The following CEP192 variants were observed in gnomAD, a reference collection of about 807,000 sequenced individuals.
The protein encoded by CEP192 is centrosomal protein 192, also known as centrosomal protein of 192 kDa.
Under a neutral mutation model 271.8 loss-of-function variants are expected in CEP192, and 151 were observed. The ratio of observed to expected loss-of-function variants is 0.56; its 90% confidence interval spans 0.49 to 0.64. CEP192 has a LOEUF of 0.64. Among genes scored for constraint, CEP192 ranks in the 30% least tolerant of loss-of-function variants. The pLI, the probability that CEP192 is intolerant of heterozygous loss-of-function variation, is 0.00. For synonymous variants in CEP192, 995 were observed against 1,076.5 expected, an observed-to-expected ratio of 0.92 and a Z score of 1.48; for missense variants, 2,910 against 3,020.5, an observed-to-expected ratio of 0.96 and a Z score of 0.86.
chr18:13,024,572 C>T (rs1392797489), intron 9 of CEP192, among the ~76,000 whole-genome samples: 2 of 152,086 alleles, frequency 1.3e-5, no homozygotes, highest in African/African-American at 2.4e-5. Flanking sequence ...AATTGATTCT[C>T]CTGCCTCAGC....
chr18:13,115,554 G>C (rs2040391168), intron 42 of CEP192, among the ~76,000 whole-genome samples: 1 of 152,122 alleles, frequency 6.6e-6, no homozygotes, highest in Non-Finnish European at 1.5e-5. Context: ...TGGTATGACT[G>C]ATAAGAAGGA....
intron 15 of CEP192, among the ~76,000 whole-genome samples, chr18:13,044,434 T>TGTTTC (rs2036371200): frequency 1.3e-5 from 2 of 152,104 alleles, no homozygotes; most frequent in Non-Finnish European, 2.9e-5. Flanking sequence ...TGTTTTGTTT[T>TGTTTC]GTTTTAAATT....
intron 9 of CEP192, among the ~76,000 whole-genome samples, chr18:13,021,305 G>T (rs78527672): frequency 2.6e-5 from 4 of 152,084 alleles, no homozygotes; most frequent in South Asian, 2.1e-4. Context: ...GTTAGGTAAG[G>T]GTCTAACTAA....
At chr18:13,022,076 A>T (rs1326201324) in intron 9 of CEP192, among the ~76,000 whole-genome samples, 1 of 151,752 alleles carries the variant, frequency 6.6e-6, no homozygotes, top group Non-Finnish European at 1.5e-5. Flanking sequence ...TTTGAGATTC[A>T]TTTTTTTGCA....
chr18:13,112,109 C>G (rs755170251), intron 40 of CEP192, among the ~76,000 whole-genome samples: 1 of 152,210 alleles, frequency 6.6e-6, no homozygotes, highest in Non-Finnish European at 1.5e-5. Flanking sequence ...CATGACCCAG[C>G]AGTTCCACTT....
intron 30 of CEP192, among the ~76,000 whole-genome samples, chr18:13,079,911 T>C (rs560617985): frequency 2.8e-4 from 42 of 152,224 alleles, no homozygotes; most frequent in African/African-American, 1.0e-3. Flanking sequence ...CCCCATTTCT[T>C]TTTTTGTCAG....
chr18:13,037,331 T>A (rs766842702), intron 12 of CEP192, 30 bp downstream of exon 12: 5 of 1,031,734 alleles, frequency 4.8e-6, no homozygotes, highest in Non-Finnish European at 7.3e-6. Flanking sequence ...ATCCAAAATT[T>A]AAAATTTTTC....
chr18:13,040,163 A>T (rs2036127490), intron 13 of CEP192, among the ~76,000 whole-genome samples: 1 of 152,126 alleles, frequency 6.6e-6, no homozygotes, highest in Non-Finnish European at 1.5e-5. Context: ...AAAAAAATGG[A>T]TCTATTATTT....
Position 13,069,796 on chromosome 18 carries a change from G to C in CEP192, c.5114G>C (p.Gly1705Ala). The C allele has an allele frequency of 6.2e-7, 1 of 1,605,748 alleles. No homozygotes were observed. The highest frequency in any genetic ancestry group is 8.5e-7 in the Non-Finnish European group (1 of 1,172,742). Reference protein sequence around the residue: ...VDPKNLLLKPGEEHEVIVSFT... With the variant: ...VDPKNLLLKPAEEHEVIVSFT... ...CCAAAGAATCTACTCCTTAAACCTG[G>C]AGAAGAACATGAGGTTATTGTTTCA... The change falls in exon 27 of 45, where the codon GGA (glycine) becomes GCA (alanine). Residue 1705 changes from glycine to alanine, a missense_variant. Transcript: ENST00000506447.
chr18:13,000,870 T>C (rs1302377367), intron 2 of CEP192, among the ~76,000 whole-genome samples: 3 of 152,176 alleles, frequency 2.0e-5, no homozygotes, highest in Non-Finnish European at 4.4e-5. Flanking sequence ...GGAGAATCGC[T>C]TGAACCCGGA....
intron 30 of CEP192, among the ~76,000 whole-genome samples, chr18:13,076,518 C>T (rs1462298971): frequency 1.3e-5 from 2 of 152,122 alleles, no homozygotes; most frequent in African/African-American, 4.8e-5. Flanking sequence ...CCCGGCCAAT[C>T]ATTCTTTTTT....
In CEP192 at chr18:13,103,591, C is replaced by T. The variant is rs1308151891; in HGVS notation, c.6951+3C>T. 1.2e-6 allele frequency: 2 copies of T among 1,603,552 alleles called. No homozygotes were observed. The highest frequency in any genetic ancestry group is 1.7e-5 in the Admixed American group (1 of 60,010). On this transcript the variant is annotated splice_donor_region_variant and intron_variant, in intron 39 of 44. Transcript: ENST00000506447. Reference sequence around the variant, plus strand: ...CTTTAGCGCCACCTTATGTCAAGGTCAGTCATGACTGCCTCAGATATAATC... The same window carrying T: ...CTTTAGCGCCACCTTATGTCAAGGTTAGTCATGACTGCCTCAGATATAATC...
In CEP192 at chr18:13,095,577, C is replaced by T. The variant is rs2039353679; in HGVS notation, c.6329C>T (p.Ser2110Phe). The change falls in exon 35 of 45, where the codon TCT (serine) becomes TTT (phenylalanine). Residue 2110 changes from serine (S) to phenylalanine (F), a missense_variant. Ser to Phe is a radical substitution (Grantham distance 155). Coordinates refer to ENST00000506447, the MANE Select transcript of CEP192 (RefSeq NM_032142.4). ...TTACCAGTCAAAGGTCCTCAGGGTT[C>T]TCCTCTTCTCTCACGGGCGGCTCGC... ...DVLPVKGPQG[S>F]PLLSRAARPP... 1.2e-6 allele frequency: 2 copies of T among 1,614,042 alleles called. No homozygotes were observed. Among genetic ancestry groups the T allele is most frequent in the South Asian group, 1.1e-5 (1 of 91,082 alleles).
At chr18:12,992,221 C>CT (rs1175046757) in intron 1 of CEP192, among the ~76,000 whole-genome samples, 2 of 152,130 alleles carry the variant, frequency 1.3e-5, no homozygotes, top group Non-Finnish European at 2.9e-5. Context: ...CCAAAATCAA[C>CT]TTTTTCTCCA....
At chr18:13,088,673 TTTC>T in intron 32 of CEP192, 1 of 216,712 alleles carries the variant, frequency 4.6e-6, no homozygotes, top group South Asian at 6.6e-5. Flanking sequence ...AATACGCCTG[TTTC>T]CTTCTGACCC....
intron 18 of CEP192, among the ~76,000 whole-genome samples, chr18:13,053,963 A>G (rs2036945641): frequency 6.6e-6 from 1 of 152,070 alleles, no homozygotes; most frequent in Non-Finnish European, 1.5e-5. Flanking sequence ...AGTAGCTGGG[A>G]CTACAGGTGC....
rs557199688 is a variant in CEP192, at chr18:13,107,311, T to A, written c.7047+2232T>A. On this transcript the variant is annotated intron_variant, in intron 40 of 44. Coordinates refer to ENST00000506447, the MANE Select transcript of CEP192 (RefSeq NM_032142.4). ...CAGGAGTTTGAGCCAGGCTGAGCAATACAGTGAGACCTTGTCTCAAAAAAA... is the reference window on the plus strand; with the variant it reads ...CAGGAGTTTGAGCCAGGCTGAGCAAAACAGTGAGACCTTGTCTCAAAAAAA... 1.5e-4 allele frequency among the ~76,000 whole-genome samples: 23 copies of A among 152,272 alleles called. No individual in the cohort carries two copies. In the South Asian group the frequency reaches 1.7e-3, roughly 11 times the overall value.
At chr18:13,116,799 C>T (rs529539727) in intron 43 of CEP192, among the ~76,000 whole-genome samples, 165 of 152,108 alleles carry the variant, frequency 1.1e-3, no homozygotes, top group African/African-American at 3.7e-3. Context: ...TTAGTAGAGA[C>T]GGGGTTTCAC....
intron 21 of CEP192, among the ~76,000 whole-genome samples, chr18:13,062,291 A>G (rs2037450679): frequency 6.6e-6 from 1 of 152,208 alleles, no homozygotes; most frequent in Admixed American, 6.5e-5. Flanking sequence ...TGACTAGAGA[A>G]CAACATTCCC....
Sources: allele counts gnomAD v4.1 joint callset (sites outside exome capture counted in the v4.1 genomes callset), GRCh38; gene constraint gnomAD v4.1.1; transcripts MANE v1.5; gene names NCBI Gene and HGNC (gene_info 2026-07-23, HGNC 2026-07-21).